The following C1D variants were observed in gnomAD, a reference collection of about 807,000 sequenced individuals.
C1D encodes nuclear nucleic acid-binding protein C1D.
C1D carries 10 observed loss-of-function variants against 17.5 expected under a neutral mutation model. That is an observed-to-expected ratio of 0.57 (90% CI 0.35 to 0.97). C1D has a LOEUF of 0.97. Ranked by LOEUF, C1D falls within the 50% of genes least tolerant of loss-of-function variation. C1D has a pLI of 0.01. For synonymous variants in C1D, 49 were observed against 54.0 expected, an observed-to-expected ratio of 0.91 and a Z score of 0.40; for missense variants, 136 against 160.1, an observed-to-expected ratio of 0.85 and a Z score of 0.81.
chr2:68,045,773 G>GT (rs1203247745), intron 4 of C1D, among the ~76,000 whole-genome samples: 1 of 151,542 alleles, frequency 6.6e-6, no homozygotes, highest in Non-Finnish European at 1.5e-5. Context: ...TACTAGAATC[G>GT]TAACATTTTC....
intron 2 of C1D, 44 bp from the exon 3 acceptor site, chr2:68,046,454 G>A (rs1558580925): frequency 5.3e-6 from 7 of 1,312,430 alleles, no homozygotes; most frequent in Middle Eastern, 1.9e-4. Context: ...AAGTGAGACA[G>A]AAAAAAAATA....
Position 68,042,691 on chromosome 2 carries a change from A to G in C1D, c.*198T>C, listed in dbSNP as rs1188656153. 4.6e-5 allele frequency: 18 copies of G among 389,766 alleles called. No homozygotes were observed. Among genetic ancestry groups the G allele is most frequent in the Non-Finnish European group, 8.7e-5 (18 of 205,908 alleles). The allele number at this position is 389,766 out of a possible 1,614,324, so 24.1% of individuals were successfully genotyped here. ...AAATTATAAATATATAATATATCAC[A>G]ATGTTAAAATCCTCAGTGCTAATCA... On this transcript the variant is annotated 3_prime_UTR_variant, in exon 5 of 5. Transcript: ENST00000410067.
intron 1 of C1D, chr2:68,052,944 C>A: frequency 2.2e-6 from 3 of 1,359,540 alleles, no homozygotes; most frequent in Non-Finnish European, 3.0e-6. Context: ...CTACTCTAAG[C>A]ATTCCACATG....
intron 4 of C1D, among the ~76,000 whole-genome samples, chr2:68,045,060 A>C (rs1296239968): frequency 6.6e-6 from 1 of 152,154 alleles, no homozygotes; most frequent in African/African-American, 2.4e-5. Context: ...TTTAAAAATA[A>C]ATTTATTTTC....
intron 3 of C1D, 148 bp downstream of exon 3, chr2:68,046,196 G>C (rs969956957): frequency 2.5e-6 from 2 of 790,114 alleles, no homozygotes; most frequent in Non-Finnish European, 4.1e-6. Context: ...TCTATGTGTG[G>C]CTCACTGGCA....
rs1456650672 is a variant in C1D at position 68,062,996 on chromosome 2, G to C, written c.-48C>G. On this transcript the variant is annotated 5_prime_UTR_variant, in exon 1 of 5. Coordinates refer to ENST00000410067, the MANE Select transcript of C1D (RefSeq NM_173177.3). Reference sequence around the variant, plus strand: ...ACTCCAGTCTCCCGGAAAGCGGTCGGGCAACGATGACGACAATGACGCGCC... The same window carrying C: ...ACTCCAGTCTCCCGGAAAGCGGTCGCGCAACGATGACGACAATGACGCGCC... The C allele has an allele frequency of 1.3e-5, 2 of 152,242 alleles. No homozygotes were observed. Among genetic ancestry groups the C allele is most frequent in the Admixed American group, 6.5e-5 (1 of 15,288 alleles). The allele number at this position is 152,242 out of a possible 1,614,324, so 9.4% of individuals were successfully genotyped here. A position where few individuals can be genotyped will look rare whatever the true frequency, so the allele number is the denominator to read the frequency against.
intron 1 of C1D, among the ~76,000 whole-genome samples, chr2:68,054,733 G>A (rs1055909861): frequency 6.6e-6 from 1 of 151,906 alleles, no homozygotes; most frequent in African/African-American, 2.4e-5. Flanking sequence ...AGACTGACAG[G>A]AGGATCACTT....
At chr2:68,054,541 G>C (rs1456015880) in intron 1 of C1D, among the ~76,000 whole-genome samples, 2 of 152,124 alleles carry the variant, frequency 1.3e-5, no homozygotes, top group Non-Finnish European at 2.9e-5. Context: ...AGATGATCTA[G>C]AATAATCTCC....
At position 68,051,317 on chromosome 2, in the gene C1D, G is replaced by A. The variant is rs967912628; in HGVS notation, c.-9-3998C>T. 1.7e-4 allele frequency among the ~76,000 whole-genome samples: 26 copies of A among 152,052 alleles called. No homozygotes were observed. The Middle Eastern group carries it at 0.01, about 60-fold the overall frequency. On this transcript the variant is annotated intron_variant, in intron 1 of 4. Transcript: ENST00000410067. Reference sequence around the variant, plus strand: ...GAGGACAGCTTGAGCCCAGGAGTTCGAGACCAACCTGGGCAACATGGCAAG... The same window carrying A: ...GAGGACAGCTTGAGCCCAGGAGTTCAAGACCAACCTGGGCAACATGGCAAG...
chr2:68,047,362 C>G lies in C1D; in HGVS notation c.-9-43G>C, dbSNP rs937039875. On this transcript the variant is annotated intron_variant, in intron 1 of 4. Transcript: ENST00000410067. ...CTTTGAATTCATATTAGAGACAGAG[C>G]TTGTTCTTTAGTTTCCAAAAAAAAA... 8 of 1,510,796 alleles carry G rather than the reference C, an allele frequency of 5.3e-6. No homozygotes were observed. The Admixed American group carries it at 6.3e-5, about 12-fold the overall frequency. 93.6% of individuals were successfully genotyped at this position (1,510,796 alleles called of 1,614,324 possible).
intron 4 of C1D, 60 bp downstream of exon 4, chr2:68,045,928 G>T: frequency 1.7e-6 from 2 of 1,163,124 alleles, no homozygotes; most frequent in Non-Finnish European, 2.5e-6. Context: ...CAAAGGTAGT[G>T]TGACAAACCT....
At chr2:68,058,988 C>T (rs776370837) in intron 1 of C1D, among the ~76,000 whole-genome samples, 30 of 152,278 alleles carry the variant, frequency 2.0e-4, no homozygotes, top group Admixed American at 9.2e-4. Flanking sequence ...TTGGAATACC[C>T]GTGTTCCTCC....
chr2:68,061,935 T>C (rs1008097891), intron 1 of C1D, among the ~76,000 whole-genome samples: 7 of 152,260 alleles, frequency 4.6e-5, no homozygotes, highest in Admixed American at 3.9e-4. Flanking sequence ...CACTTGTCAC[T>C]ATCTTTCAAC....
At chr2:68,047,094 G>A in intron 2 of C1D, 79 bp downstream of exon 2, 1 of 1,345,804 alleles carries the variant, frequency 7.4e-7, no homozygotes. Flanking sequence ...TCATTAATCT[G>A]TTTCTTCTTC....
At chr2:68,045,257 A>C (rs1196884539) in intron 4 of C1D, among the ~76,000 whole-genome samples, 1 of 152,188 alleles carries the variant, frequency 6.6e-6, no homozygotes. Context: ...TTTCATATCT[A>C]TATTTGCCTT....
chr2:68,053,120 C>T (rs1376904580), intron 1 of C1D: 2 of 1,550,804 alleles, frequency 1.3e-6, no homozygotes, highest in South Asian at 1.2e-5. Flanking sequence ...CTTCCACATA[C>T]TCCTTCTAAA....
chr2:68,057,420 G>A (rs1671471098), intron 1 of C1D, among the ~76,000 whole-genome samples: 1 of 152,056 alleles, frequency 6.6e-6, no homozygotes, highest in Non-Finnish European at 1.5e-5. Context: ...GCCTCCCACA[G>A]TGCTGGGATT....
At chr2:68,055,494 G>A (rs1671411153) in intron 1 of C1D, among the ~76,000 whole-genome samples, 2 of 151,992 alleles carry the variant, frequency 1.3e-5, no homozygotes, top group East Asian at 1.9e-4. Flanking sequence ...AAAAAGTGGG[G>A]GAAGAAAGAC....
intron 1 of C1D, among the ~76,000 whole-genome samples, chr2:68,053,670 C>T (rs967339474): frequency 3.3e-5 from 5 of 152,150 alleles, no homozygotes; most frequent in Non-Finnish European, 4.4e-5. Context: ...AACCCCTCAG[C>T]GTAGATGCAA....
Sources: allele counts gnomAD v4.1 joint callset (sites outside exome capture counted in the v4.1 genomes callset), GRCh38; gene constraint gnomAD v4.1.1; transcripts MANE v1.5; gene names NCBI Gene and HGNC (gene_info 2026-07-23, HGNC 2026-07-21).